Variants in RGL1 observed in about 807,000 individuals in gnomAD.
The protein encoded by RGL1 is ral guanine nucleotide dissociation stimulator like 1.
A neutral mutation model predicts 95.2 loss-of-function variants in RGL1; 24 were observed. That is an observed-to-expected ratio of 0.25 (90% CI 0.18 to 0.35). The LOEUF is 0.35. RGL1 is among the 10% of genes least tolerant of loss of function. RGL1 has a pLI of 1.00. For missense variants in RGL1, 715 were observed against 936.3 expected, an observed-to-expected ratio of 0.76 and a Z score of 3.08; for synonymous variants, 329 against 344.9, an observed-to-expected ratio of 0.95 and a Z score of 0.51.
chr1:183,812,686 G>A (rs2500126), intron 2 of RGL1, among the ~76,000 whole-genome samples: 44,758 of 152,144 alleles, frequency 0.29, 7,732 homozygotes, highest in South Asian at 0.49. Flanking sequence ...CAGGTGGGCA[G>A]TCCAGGAAGC....
intron 3 of RGL1, among the ~76,000 whole-genome samples, chr1:183,856,571 A>T (rs1020978116): frequency 1.3e-5 from 2 of 151,196 alleles, no homozygotes; most frequent in African/African-American, 4.8e-5. Context: ...AGCTCCAGGA[A>T]GCATGGCTGG....
intron 1 of RGL1, among the ~76,000 whole-genome samples, chr1:183,736,186 AT>A (rs1388592788): frequency 6.6e-5 from 10 of 152,250 alleles, no homozygotes; most frequent in African/African-American, 2.2e-4. Context: ...TGAGTAGTGA[AT>A]GCATAATATG....
At chr1:183,748,700 A>G (rs1270955274) in intron 2 of RGL1, among the ~76,000 whole-genome samples, 2 of 151,778 alleles carry the variant, frequency 1.3e-5, no homozygotes, top group East Asian at 3.9e-4. Flanking sequence ...GCCACCTTTT[A>G]TTTGTAATGT....
At position 183,916,700 on chromosome 1, in the gene RGL1, T is replaced by C. The variant is rs755177523; in HGVS notation, c.2003T>C (p.Met668Thr). 3 of 1,611,096 alleles carry C rather than the reference T, an allele frequency of 1.9e-6. No homozygotes were observed. The highest frequency in any genetic ancestry group is 1.7e-5 in the Admixed American group (1 of 59,952). The change falls in exon 16 of 18, where the codon ATG becomes ACG. Residue 668 changes from methionine to threonine, a missense_variant and splice_region_variant. Around this residue, in one of 3 missense-constraint regions of RGL1, gnomAD observed 330 missense variants for 429.6 expected, o/e 0.77. Transcript: ENST00000360851. ...DNNGNMYKSI[M>T]LTSQDKTPAV... ...AACGGCAACATGTACAAGAGCATCA[T>C]GGTGAGGAGCAAGCCCTGACCCAGG... is the stretch of plus-strand genomic sequence containing the variant.
In RGL1 at chr1:183,826,060, CT is replaced by C. The variant is rs11428280; in HGVS notation, c.138+19586del. ...CAACTCTCCCCATCTCTGTCTCTCT[CT>C]TTTTTTTTTTGAGACGGAGTCTCAC... On this transcript the variant is annotated intron_variant, in intron 2 of 17. Transcript: ENST00000360851. 7.5e-3 allele frequency among the ~76,000 whole-genome samples: 1,110 copies of C among 147,726 alleles called. 16 individuals are homozygous for C. Among genetic ancestry groups the C allele is most frequent in the African/African-American group, 0.025 (1,019 of 40,290 alleles).
chr1:183,691,436 T>A (rs963030647), intron 1 of RGL1, among the ~76,000 whole-genome samples: 1 of 152,174 alleles, frequency 6.6e-6, no homozygotes, highest in Non-Finnish European at 1.5e-5. Flanking sequence ...AGGAAAGAGA[T>A]CTATGAAAAA....
intron 1 of RGL1, among the ~76,000 whole-genome samples, chr1:183,732,297 A>G (rs1484792375): frequency 2.6e-5 from 4 of 152,188 alleles, no homozygotes; most frequent in African/African-American, 9.6e-5. Flanking sequence ...AGTCCTGTAA[A>G]AGTTTAAGGA....
chr1:183,803,821 T>C (rs1661120668), upstream of RGL1, among the ~76,000 whole-genome samples: 2 of 152,186 alleles, frequency 1.3e-5, no homozygotes, highest in African/African-American at 2.4e-5. Context: ...AGGTAGGGCC[T>C]TCACATGATT....
chr1:183,888,500 C>T lies in RGL1; in HGVS notation c.978C>T (p.Ser326=), dbSNP rs142333857. 27 of 1,612,614 alleles carry T rather than the reference C, an allele frequency of 1.7e-5. No homozygotes were observed. In the African/African-American group the frequency reaches 2.9e-4, roughly 18 times the overall value. The change falls in exon 8 of 18, where the codon TCC becomes TCT. Residue 326 remains serine (S), a synonymous_variant. Coordinates refer to ENST00000360851, the MANE Select transcript of RGL1 (RefSeq NM_001297671.3). ...AHECRLLKNF[S]SLRAIVSALQ... ...AATGTAGACTCCTGAAGAATTTTTCCTCCTTGAGGGCCATCGTTTCGGCAC... is the reference window on the plus strand; with the variant it reads ...AATGTAGACTCCTGAAGAATTTTTCTTCCTTGAGGGCCATCGTTTCGGCAC...
chr1:183,686,432 G>GT (rs35415872), intron 1 of RGL1, among the ~76,000 whole-genome samples: 104,228 of 151,674 alleles, frequency 0.69, 36,108 homozygotes, highest in East Asian at 0.91. Flanking sequence ...CTGACAATAT[G>GT]TTTTTTTTGT....
At chr1:183,804,270 A>G (rs1661150077), upstream of RGL1, among the ~76,000 whole-genome samples, 1 of 151,924 alleles carries the variant, frequency 6.6e-6, no homozygotes, top group African/African-American at 2.4e-5. Context: ...CCCTAAAGGT[A>G]TTTGCAATTT....
intron 1 of RGL1, among the ~76,000 whole-genome samples, chr1:183,639,123 T>C (rs1223811216): frequency 1.3e-5 from 2 of 151,898 alleles, no homozygotes; most frequent in African/African-American, 4.8e-5. Context: ...CTACTAAAAA[T>C]ACAAAAAATT....
intron 1 of RGL1, among the ~76,000 whole-genome samples, chr1:183,711,337 G>T (rs1187412881): frequency 6.6e-6 from 1 of 152,116 alleles, no homozygotes; most frequent in Non-Finnish European, 1.5e-5. Context: ...CTCATGAACT[G>T]TCCCTGGATG....
At chr1:183,678,679 T>G (rs905614482) in intron 1 of RGL1, among the ~76,000 whole-genome samples, 2 of 151,952 alleles carry the variant, frequency 1.3e-5, no homozygotes, top group Non-Finnish European at 2.9e-5. Flanking sequence ...ATGGCTCACT[T>G]AAGTGCAAGA....
chr1:183,652,769 A>G (rs1457720455), intron 1 of RGL1, among the ~76,000 whole-genome samples: 4 of 151,984 alleles, frequency 2.6e-5, no homozygotes, highest in Non-Finnish European at 5.9e-5. Context: ...TACATGTTAT[A>G]CTCTGTAGAG....
At chr1:183,638,651 C>A (rs1197317514) in intron 1 of RGL1, among the ~76,000 whole-genome samples, 1 of 152,124 alleles carries the variant, frequency 6.6e-6, no homozygotes, top group Non-Finnish European at 1.5e-5. Context: ...ATACTTAATT[C>A]ATCTTAGGTA....
At chr1:183,645,939 A>T (rs1439395602) in intron 1 of RGL1, among the ~76,000 whole-genome samples, 1 of 152,210 alleles carries the variant, frequency 6.6e-6, no homozygotes, top group African/African-American at 2.4e-5. Context: ...TCTTTCCTAT[A>T]GTTCTGACAA....
At chr1:183,920,799 C>CA (rs1669270873) in intron 16 of RGL1, among the ~76,000 whole-genome samples, 1 of 152,224 alleles carries the variant, frequency 6.6e-6, no homozygotes, top group East Asian at 1.9e-4. Flanking sequence ...TGGTAACAGA[C>CA]ACGTGAACAA....
At chr1:183,779,205 TTCC>T (rs1659766067) in intron 2 of RGL1, among the ~76,000 whole-genome samples, 3 of 145,214 alleles carry the variant, frequency 2.1e-5, no homozygotes, top group African/African-American at 8.0e-5. Context: ...CCTTCCTTCC[TTCC>T]TTCCTTCCTT....
Sources: gnomAD v4.1 joint callset for allele counts (sites outside exome capture counted in the v4.1 genomes callset) on GRCh38, gnomAD v4.1.1 for gene constraint, gnomAD v4.1.1 regional missense constraint, MANE v1.5 for transcripts, NCBI Gene and HGNC (gene_info 2026-07-23, HGNC 2026-07-21) for gene names.